Variants in ATP2B2 observed in about 807,000 individuals in gnomAD.
ATP2B2 encodes plasma membrane calcium-transporting ATPase 2.
A neutral mutation model predicts 120.0 loss-of-function variants in ATP2B2; 15 were observed. The observed-to-expected ratio is 0.12, with a 90% CI of 0.08 to 0.19. The LOEUF (loss-of-function observed/expected upper bound fraction) is 0.19. ATP2B2 is among the 10% of genes least tolerant of loss of function. The pLI is 1.00. For synonymous variants in ATP2B2, 694 were observed against 700.3 expected (o/e 0.99, Z 0.14); for missense variants, 1,045 against 1,719.8 (o/e 0.61, Z 6.94).
At chr3:10,432,179 G>A (rs182563060) in intron 2 of ATP2B2, among the ~76,000 whole-genome samples, 1 of 152,328 alleles carries the variant, frequency 6.6e-6, no homozygotes, top group East Asian at 1.9e-4. Flanking sequence ...CATGGCCTCG[G>A]GCACACTGTG....
At chr3:10,364,244 A>G (rs1202613029) in intron 12 of ATP2B2, among the ~76,000 whole-genome samples, 1 of 152,144 alleles carries the variant, frequency 6.6e-6, no homozygotes, top group Non-Finnish European at 1.5e-5. Context: ...ATGGAAACTT[A>G]CCATTTAATG....
chr3:10,345,536 T>C lies in ATP2B2; in HGVS notation c.2551A>G (p.Ile851Val). 6.2e-7 allele frequency: 1 copy of C among 1,614,226 alleles called. No individual in the cohort carries two copies. The highest frequency in any genetic ancestry group is 8.5e-7 in the Non-Finnish European group (1 of 1,180,024). Residue 851 changes from isoleucine to valine, a missense_variant, in exon 18 of 23, where the codon ATC becomes GTC. Ile to Val is a conservative substitution (Grantham distance 29, BLOSUM62 3). Around this residue, in one of 11 missense-constraint regions of ATP2B2, gnomAD observed 98 missense variants for 266.7 expected, o/e 0.37. Transcript: ENST00000360273. ...GTDVAKEASD[I>V]ILTDDNFSSI... Reference sequence around the variant, plus strand: ...CTGAAATTGTCGTCTGTCAGGATGATGTCTGAGGCCTCCTTGGCCACGTCA... The same window carrying C: ...CTGAAATTGTCGTCTGTCAGGATGACGTCTGAGGCCTCCTTGGCCACGTCA...
At position 10,498,730 on chromosome 3, in the gene ATP2B2, A is replaced by G. The variant is rs575756569; in HGVS notation, c.-320+6735T>C. On this transcript the variant is annotated intron_variant, in intron 1 of 22. Transcript: ENST00000360273. ...GCAGAGACCTGCTTTCTTCCTTCAA[A>G]GCTACATGGTGCTTGGACCCCAAAC... Among the ~76,000 whole-genome samples, 4 of 152,324 alleles carry G rather than the reference A, an allele frequency of 2.6e-5. No homozygotes were observed. The East Asian group carries it at 7.7e-4, about 29-fold the overall frequency.
chr3:10,450,804 G>A (rs1270008640), intron 1 of ATP2B2, among the ~76,000 whole-genome samples: 2 of 152,144 alleles, frequency 1.3e-5, no homozygotes, highest in Non-Finnish European at 2.9e-5. Context: ...CGGCATCTGT[G>A]GGGCTGCCAG....
At chr3:10,406,320 C>T (rs1453649332) in intron 3 of ATP2B2, among the ~76,000 whole-genome samples, 1 of 152,212 alleles carries the variant, frequency 6.6e-6, no homozygotes, top group Non-Finnish European at 1.5e-5. Flanking sequence ...TAAAACTAGA[C>T]ACTGTGTACA....
At chr3:10,465,656 C>A (rs897483785) in intron 1 of ATP2B2, among the ~76,000 whole-genome samples, 4 of 152,210 alleles carry the variant, frequency 2.6e-5, no homozygotes, top group African/African-American at 7.2e-5. Context: ...ACTCCCTGCC[C>A]CTGTAGATAT....
chr3:10,491,568 C>T (rs2065937873), intron 1 of ATP2B2, among the ~76,000 whole-genome samples: 1 of 152,154 alleles, frequency 6.6e-6, no homozygotes, highest in Non-Finnish European at 1.5e-5. Context: ...GGGTATCCTA[C>T]AGCTGGCAAA....
In ATP2B2 at chr3:10,347,561, C is replaced by G. The variant is rs146694186; in HGVS notation, c.2405-1424G>C. Among the ~76,000 whole-genome samples, 4 of 152,208 alleles carry G rather than the reference C, an allele frequency of 2.6e-5. No individual in the cohort carries two copies. The highest frequency in any genetic ancestry group is 9.6e-5 in the African/African-American group (4 of 41,460). On this transcript the variant is annotated intron_variant, in intron 16 of 22. Coordinates refer to ENST00000360273, the MANE Select transcript of ATP2B2 (RefSeq NM_001001331.4). This position sits in a 1 kb window ranked among gnomAD's most constrained non-coding sequence, Gnocchi z 5.2. ...CTGCAGTGCCGTGTGTTCTGGGAAT[C>G]GTTCTGGGCTGCTCCCACCCAGCTG...
chr3:10,697,994 G>C (rs2071764387), intron 1 of ATP2B2, among the ~76,000 whole-genome samples: 1 of 152,184 alleles, frequency 6.6e-6, no homozygotes, highest in Non-Finnish European at 1.5e-5. Flanking sequence ...GTACAGTTGG[G>C]GCAGATGGTA....
intron 1 of ATP2B2, among the ~76,000 whole-genome samples, chr3:10,451,931 A>G (rs2064068661): frequency 6.6e-6 from 1 of 152,270 alleles, no homozygotes. Context: ...CTGTGGGATG[A>G]GTTCTGTATC....
intron 3 of ATP2B2, among the ~76,000 whole-genome samples, chr3:10,407,459 C>T (rs781038213): frequency 6.6e-6 from 1 of 152,178 alleles, no homozygotes; most frequent in Non-Finnish European, 1.5e-5. Flanking sequence ...CTTCTGCTGA[C>T]AGGGCCGGCG....
intron 2 of ATP2B2, among the ~76,000 whole-genome samples, chr3:10,434,993 C>T (rs1198871999): frequency 6.6e-6 from 1 of 152,216 alleles, no homozygotes; most frequent in Non-Finnish European, 1.5e-5. Flanking sequence ...CCTGTGCCCT[C>T]TATGGGGGAA....
chr3:10,537,560 C>T (rs1013342472), intron 2 of ATP2B2, among the ~76,000 whole-genome samples: 2 of 151,804 alleles, frequency 1.3e-5, no homozygotes, highest in Non-Finnish European at 2.9e-5. Context: ...CCTGAACTCA[C>T]TTATTACTTC....
chr3:10,410,360 C>T (rs2062566832), intron 3 of ATP2B2, among the ~76,000 whole-genome samples: 1 of 152,222 alleles, frequency 6.6e-6, no homozygotes, highest in African/African-American at 2.4e-5. Flanking sequence ...GCTTAGCACA[C>T]TGTAAGTGCT....
intron 2 of ATP2B2, among the ~76,000 whole-genome samples, chr3:10,551,356 C>T (rs1458194973): frequency 6.6e-6 from 1 of 152,158 alleles, no homozygotes; most frequent in Non-Finnish European, 1.5e-5. Context: ...ATGGACGTGC[C>T]GATTATCAAG....
chr3:10,551,232 C>T (rs2067663052), intron 2 of ATP2B2, among the ~76,000 whole-genome samples: 1 of 152,192 alleles, frequency 6.6e-6, no homozygotes, highest in South Asian at 2.1e-4. Context: ...GCTCATGGGA[C>T]AGTTAGAGTA....
chr3:10,417,896 C>T (rs2062844344), intron 2 of ATP2B2, among the ~76,000 whole-genome samples: 1 of 152,182 alleles, frequency 6.6e-6, no homozygotes. Context: ...TGGTTTGCTC[C>T]TCAGAAGAGG....
rs1056816841 is a variant in ATP2B2 at position 10,342,013 on chromosome 3, T to C, written c.2917+739A>G. On this transcript the variant is annotated intron_variant, in intron 19 of 22. Transcript: ENST00000360273. The surrounding 1 kb of genome is among the most constrained non-coding windows in gnomAD (Gnocchi z 4.4). ...AAGGAGAGAACTGGCCCTGATTCCA[T>C]GTGGGACTGCGGGCCAGACCCTTCC... Among the ~76,000 whole-genome samples the C allele has an allele frequency of 6.6e-6, 1 of 152,212 alleles. No homozygotes were observed. Among genetic ancestry groups the C allele is most frequent in the South Asian group, 2.1e-4 (1 of 4,830 alleles).
At chr3:10,361,724 G>C (rs1460025720) in intron 12 of ATP2B2, among the ~76,000 whole-genome samples, 1 of 152,218 alleles carries the variant, frequency 6.6e-6, no homozygotes, top group Non-Finnish European at 1.5e-5. Flanking sequence ...TGTCCTTTAA[G>C]GACCAGCTCA....
Sources: gnomAD v4.1 joint callset for allele counts (sites outside exome capture counted in the v4.1 genomes callset) on GRCh38, gnomAD v4.1.1 for gene constraint, gnomAD v4.1.1 regional missense constraint, Gnocchi (gnomAD v3.1) non-coding constraint, MANE v1.5 for transcripts, NCBI Gene and HGNC (gene_info 2026-07-23, HGNC 2026-07-21) for gene names.